ST18: variants seen among roughly 807,000 people sequenced by gnomAD.
ST18 encodes suppression of tumorigenicity 18 protein.
In ST18, 50 loss-of-function variants were observed where a neutral mutation model predicts 110.0. That is an observed-to-expected ratio of 0.45 (90% CI 0.36 to 0.58). The LOEUF (loss-of-function observed/expected upper bound fraction) is 0.58. Ranked by LOEUF, ST18 falls within the 20% of genes least tolerant of loss-of-function variation. ST18 has a pLI of 0.00. For synonymous variants in ST18, 461 were observed against 452.4 expected (o/e 1.02, Z -0.24); for missense variants, 1,306 against 1,280.1 (o/e 1.02, Z -0.31).
chr8:52,282,056 T>G (rs1458017495), intron 2 of ST18, among the ~76,000 whole-genome samples: 1 of 152,094 alleles, frequency 6.6e-6, no homozygotes, highest in Non-Finnish European at 1.5e-5. Context: ...AAAGTAAAAT[T>G]AAAAAGCTAA....
At chr8:52,272,883 T>C (rs545914413) in intron 2 of ST18, among the ~76,000 whole-genome samples, 4 of 152,128 alleles carry the variant, frequency 2.6e-5, no homozygotes, top group Non-Finnish European at 5.9e-5. Context: ...AATCAAATAA[T>C]AAGATGGAAA....
At chr8:52,298,851 G>A (rs767504175) in intron 2 of ST18, among the ~76,000 whole-genome samples, 1 of 152,146 alleles carries the variant, frequency 6.6e-6, no homozygotes, top group Non-Finnish European at 1.5e-5. Flanking sequence ...GCACAATGAA[G>A]ATAATCTCCC....
chr8:52,387,589 G>A (rs1291316009), intron 2 of ST18, among the ~76,000 whole-genome samples: 1 of 152,056 alleles, frequency 6.6e-6, no homozygotes, highest in East Asian at 1.9e-4. Context: ...TCACAAAATA[G>A]AAATTTCATT....
At position 52,142,842 on chromosome 8, in the gene ST18, T is replaced by G. The variant is rs570839715; in HGVS notation, c.2168+88A>C. 8 of 973,792 alleles carry G rather than the reference T, an allele frequency of 8.2e-6. No individual in the cohort carries two copies. The East Asian group carries it at 1.2e-4, about 15-fold the overall frequency. 60.3% of individuals were successfully genotyped at this position (973,792 alleles called of 1,614,324 possible). A position where few individuals can be genotyped will look rare whatever the true frequency, so the allele number is the denominator to read the frequency against. Reference sequence around the variant, plus strand: ...TGGTAGAAATCACCCTAACATCAACTGTATAAGCCAGGATATTGTAACTTT... The same window carrying G: ...TGGTAGAAATCACCCTAACATCAACGGTATAAGCCAGGATATTGTAACTTT... On this transcript the variant is annotated intron_variant, in intron 17 of 25. Transcript: ENST00000689386.
chr8:52,175,865 C>G (rs1313660437), intron 9 of ST18, among the ~76,000 whole-genome samples: 1 of 152,140 alleles, frequency 6.6e-6, no homozygotes, highest in Non-Finnish European at 1.5e-5. Flanking sequence ...TACTCCAGGT[C>G]CCACAGCCAT....
At chr8:52,363,162 A>G (rs1260165563) in intron 2 of ST18, among the ~76,000 whole-genome samples, 1 of 152,176 alleles carries the variant, frequency 6.6e-6, no homozygotes, top group African/African-American at 2.4e-5. Flanking sequence ...CAGTGAGCCG[A>G]GATCAGCCAC....
At chr8:52,125,099 T>G (rs1042522047) in intron 23 of ST18, among the ~76,000 whole-genome samples, 21 of 152,112 alleles carry the variant, frequency 1.4e-4, no homozygotes, top group African/African-American at 5.1e-4. Context: ...CAGATAATGC[T>G]CATTAGAAAT....
At chr8:52,134,863 G>A (rs998291313) in intron 19 of ST18, among the ~76,000 whole-genome samples, 2 of 152,062 alleles carry the variant, frequency 1.3e-5, no homozygotes, top group Admixed American at 1.3e-4. Context: ...TAAACAAGAG[G>A]TCAATAAAAT....
intron 2 of ST18, among the ~76,000 whole-genome samples, chr8:52,383,390 C>A (rs984656124): frequency 6.6e-6 from 1 of 152,060 alleles, no homozygotes; most frequent in Non-Finnish European, 1.5e-5. Flanking sequence ...TCTGAAAAAC[C>A]GTGGGTGGTA....
In ST18 at chr8:52,135,000, G is replaced by A. The variant is rs568510986; in HGVS notation, c.2300+1590C>T. ...TATTAAATAATGAATATTCCTATAG[G>A]ATCTCTCAATTTACATGTTTTCAGT... On this transcript the variant is annotated intron_variant, in intron 19 of 25. Coordinates refer to ENST00000689386, the MANE Select transcript of ST18 (RefSeq NM_001352837.2). Among the ~76,000 whole-genome samples the A allele has an allele frequency of 1.1e-3, 175 of 152,216 alleles. 2 individuals are homozygous for A. Among genetic ancestry groups the A allele is most frequent in the Non-Finnish European group, 2.1e-3 (145 of 68,004 alleles).
At chr8:52,385,639 C>T (rs1320746612) in intron 2 of ST18, among the ~76,000 whole-genome samples, 1 of 151,542 alleles carries the variant, frequency 6.6e-6, no homozygotes, top group East Asian at 1.9e-4. Flanking sequence ...GATTCCTGGG[C>T]CTCCCATTCC....
chr8:52,241,763 A>T (rs2093427008), intron 2 of ST18, among the ~76,000 whole-genome samples: 1 of 152,258 alleles, frequency 6.6e-6, no homozygotes, highest in African/African-American at 2.4e-5. Context: ...TACATGAAAA[A>T]TACAAAATCA....
chr8:52,153,593 G>T (rs1218258312), intron 15 of ST18, among the ~76,000 whole-genome samples: 1 of 152,176 alleles, frequency 6.6e-6, no homozygotes, highest in Non-Finnish European at 1.5e-5. Context: ...ATAAATAGAG[G>T]AGAAATGATC....
intron 6 of ST18, among the ~76,000 whole-genome samples, chr8:52,216,256 C>T (rs2084160811): frequency 6.6e-6 from 1 of 152,152 alleles, no homozygotes; most frequent in African/African-American, 2.4e-5. Context: ...TGCCTTGTCA[C>T]CACTCCAGGC....
chr8:52,376,846 T>C (rs932843357), intron 2 of ST18, among the ~76,000 whole-genome samples: 13 of 152,346 alleles, frequency 8.5e-5, no homozygotes, highest in Non-Finnish European at 1.6e-4. Flanking sequence ...TGAATGCCTT[T>C]TGTTTCATAA....
intron 2 of ST18, among the ~76,000 whole-genome samples, chr8:52,344,631 C>G (rs1816854765): frequency 6.6e-6 from 1 of 152,104 alleles, no homozygotes; most frequent in Non-Finnish European, 1.5e-5. Flanking sequence ...GAACCCCTGA[C>G]CTCAGGTGAT....
intron 2 of ST18, among the ~76,000 whole-genome samples, chr8:52,238,561 C>T (rs750241501): frequency 2.0e-5 from 3 of 152,054 alleles, no homozygotes; most frequent in African/African-American, 4.8e-5. Context: ...GCACATTAGT[C>T]ACAATAGCAA....
At chr8:52,140,099 G>T (rs1402590683) in intron 17 of ST18, among the ~76,000 whole-genome samples, 1 of 152,174 alleles carries the variant, frequency 6.6e-6, no homozygotes, top group Non-Finnish European at 1.5e-5. Context: ...AAGCAATCAA[G>T]GTACTGTTAG....
Position 52,111,148 on chromosome 8 carries a change from T to C in ST18, c.*2050A>G, listed in dbSNP as rs2040429990. Reference sequence around the variant, plus strand: ...TCAAACTATGCAAACACAAATAAATTAACCTGAAGTCATAGCAAATTATAG... The same window carrying C: ...TCAAACTATGCAAACACAAATAAATCAACCTGAAGTCATAGCAAATTATAG... On this transcript the variant is annotated 3_prime_UTR_variant, in exon 26 of 26. Transcript: ENST00000689386. 2.6e-6 allele frequency: 1 copy of C among 391,270 alleles called. No homozygotes were observed. Among genetic ancestry groups the C allele is most frequent in the Non-Finnish European group, 4.5e-6 (1 of 221,462 alleles). The allele number at this position is 391,270 out of a possible 1,614,324, so 24.2% of individuals were successfully genotyped here. A position where few individuals can be genotyped will look rare whatever the true frequency, so the allele number is the denominator to read the frequency against.
Sources: gnomAD v4.1 joint callset for allele counts (sites outside exome capture counted in the v4.1 genomes callset) on GRCh38, gnomAD v4.1.1 for gene constraint, MANE v1.5 for transcripts, NCBI Gene and HGNC (gene_info 2026-07-23, HGNC 2026-07-21) for gene names.